TUBB1: variants seen among roughly 807,000 people sequenced by gnomAD.
TUBB1 encodes tubulin beta-1 chain.
In TUBB1, 28 loss-of-function variants were observed where a neutral mutation model predicts 22.6. The ratio of observed to expected loss-of-function variants is 1.24; its 90% CI spans 0.92 to 1.70. The LOEUF is 1.70. TUBB1 is among the 40% of genes most tolerant of loss of function. TUBB1 has a pLI of 0.00. For synonymous variants in TUBB1, 226 were observed against 238.0 expected (o/e 0.95, Z 0.46); for missense variants, 577 against 605.5 (o/e 0.95, Z 0.49).
At chr20:59,016,534 C>T (rs1357983160), upstream of TUBB1, among the ~76,000 whole-genome samples, 2 of 151,972 alleles carry the variant, frequency 1.3e-5, no homozygotes, top group Admixed American at 6.6e-5. Context: ...CTTTGATCTT[C>T]GGAGAAGTCT....
rs1228603665 is a variant in TUBB1 at position 59,023,982 on chromosome 20, G to T, written c.555G>T (p.Ala185=). 6.2e-7 allele frequency: 1 copy of T among 1,613,978 alleles called. No individual in the cohort carries two copies. The highest frequency in any genetic ancestry group is 1.3e-5 in the African/African-American group (1 of 74,884). ...VSDTVVEPYN[A]VLSIHQLIEN... ...ACACTGTGGTGGAGCCCTACAACGC[G>T]GTTCTGTCTATCCACCAGCTGATTG... The change falls in exon 4 of 4, where the codon GCG becomes GCT. Residue 185 remains alanine (A), a synonymous_variant. Transcript: ENST00000217133.
At chr20:59,020,134 C>T (rs2091961312) in intron 1 of TUBB1, among the ~76,000 whole-genome samples, 1 of 152,164 alleles carries the variant, frequency 6.6e-6, no homozygotes, top group African/African-American at 2.4e-5. Flanking sequence ...CTGCCTCAGG[C>T]TTCCAAAGTG....
At chr20:59,023,462 GCTGA>G (rs748697740) in intron 2 of TUBB1, 24 bp from the exon 3 acceptor site, 81 of 1,595,868 alleles carry the variant, frequency 5.1e-5, no homozygotes, top group Middle Eastern at 1.7e-4. Context: ...AAACAAGTAG[GCTGA>G]CTTTTTCCTA....
Position 59,024,859 on chromosome 20 carries a change from C to CA in TUBB1, c.*80dup. 7.5e-7 allele frequency: 1 copy of CA among 1,328,734 alleles called. No individual in the cohort carries two copies. Among genetic ancestry groups the CA allele is most frequent in the Non-Finnish European group, 1.1e-6 (1 of 926,480 alleles). 82.3% of individuals were successfully genotyped at this position (1,328,734 alleles called of 1,614,324 possible). A position where few individuals can be genotyped will look rare whatever the true frequency, so the allele number is the denominator to read the frequency against. ...GATGAGTGTTTCTCCTGCAGCACTC[C>CA]AAAACCCACTCTGCACTGCAGCACA... On this transcript the variant is annotated 3_prime_UTR_variant, in exon 4 of 4. Transcript: ENST00000217133. This position sits in a 1 kb window ranked among gnomAD's most constrained non-coding sequence, Gnocchi z 4.9.
chr20:59,023,397 T>G, intron 2 of TUBB1, 93 bp from the exon 3 acceptor site: 1 of 1,178,492 alleles, frequency 8.5e-7, no homozygotes, highest in Non-Finnish European at 1.3e-6. Context: ...TATCCATGAT[T>G]TTTTTTGGAC....
chr20:59,023,930 GC>G lies in TUBB1; in HGVS notation c.504del (p.Ser168ArgfsTer25). The G allele has an allele frequency of 1.2e-6, 2 of 1,614,206 alleles. No individual in the cohort carries two copies. The highest frequency in any genetic ancestry group is 1.7e-6 in the Non-Finnish European group (2 of 1,180,038). The stretch of plus-strand genomic sequence containing the variant: ...CCGGACCGGATCATGAATTCCTTCA[GC>G]GTCATGCCTTCTCCCAAGGTGTCGG... ...EYPDRIMNSF[S>X]VMPSPKVSDT... On this transcript the variant is annotated frameshift_variant, in exon 4 of 4. Transcript: ENST00000217133. LOFTEE classifies it high-confidence loss of function.
At chr20:59,019,662 G>GT in intron 1 of TUBB1, 83 bp downstream of exon 1, 1 of 1,382,036 alleles carries the variant, frequency 7.2e-7, no homozygotes, top group South Asian at 1.2e-5. Flanking sequence ...AGTTAGCAGG[G>GT]AAGACAATAA....
chr20:59,022,563 G>A (rs1031024101), intron 1 of TUBB1, among the ~76,000 whole-genome samples: 1 of 152,256 alleles, frequency 6.6e-6, no homozygotes, highest in South Asian at 2.1e-4. Flanking sequence ...TGTATATAAT[G>A]GCATGAATTT....
In TUBB1 at chr20:59,024,779, A is replaced by G; in HGVS notation, c.1352A>G (p.His451Arg). 2.5e-6 allele frequency: 4 copies of G among 1,614,080 alleles called. No individual in the cohort carries two copies. Among genetic ancestry groups the G allele is most frequent in the Non-Finnish European group, 2.5e-6 (3 of 1,179,952 alleles). The part of the protein sequence containing the change: ...EAEMEPEDKG[H>R] ...GAAATGGAGCCAGAAGATAAGGGAC[A>G]TTAACTGTGAGAGAAGCTGTGCCGC... The change falls in exon 4 of 4, where the codon CAT becomes CGT. Residue 451 changes from histidine (H) to arginine (R), a missense_variant. Coordinates refer to ENST00000217133, the MANE Select transcript of TUBB1 (RefSeq NM_030773.4). The surrounding 1 kb of genome is among the most constrained non-coding windows in gnomAD (Gnocchi z 4.9).
In TUBB1 at chr20:59,019,493, G is replaced by A; in HGVS notation, c.-30G>A. 1 of 1,613,708 alleles carries A rather than the reference G, an allele frequency of 6.2e-7. No individual in the cohort carries two copies. The highest frequency in any genetic ancestry group is 8.5e-7 in the Non-Finnish European group (1 of 1,179,610). On this transcript the variant is annotated 5_prime_UTR_variant, in exon 1 of 4. Transcript: ENST00000217133. ...GATTCTGAGAGTCTGAGGATTCCGT[G>A]AAGATCTCAGACTTGGGCTCAGAGC...
Position 59,024,715 on chromosome 20 carries a change from G to A in TUBB1, c.1288G>A (p.Ala430Thr). 6.2e-7 allele frequency: 1 copy of A among 1,614,164 alleles called. No individual in the cohort carries two copies. The highest frequency in any genetic ancestry group is 1.1e-5 in the South Asian group (1 of 91,076). ...SEYQQFQDAK[A>T]VLEEDEEVTE... Reference sequence around the variant, plus strand: ...GTACCAACAATTTCAAGATGCCAAAGCAGTTCTAGAGGAAGATGAAGAGGT... The same window carrying A: ...GTACCAACAATTTCAAGATGCCAAAACAGTTCTAGAGGAAGATGAAGAGGT... Residue 430 changes from alanine to threonine, a missense_variant, in exon 4 of 4, where the codon GCA (alanine) becomes ACA (threonine). Ala to Thr is a moderately conservative substitution (Grantham distance 58). Transcript: ENST00000217133. The surrounding 1 kb of genome is among the most constrained non-coding windows in gnomAD (Gnocchi z 4.9).
upstream of TUBB1, among the ~76,000 whole-genome samples, chr20:59,017,834 A>G (rs1033627119): frequency 6.6e-6 from 1 of 152,220 alleles, no homozygotes; most frequent in Non-Finnish European, 1.5e-5. Flanking sequence ...CCAGAGTTCC[A>G]AGAGTGCAGG....
chr20:59,017,977 G>A (rs1182258821), upstream of TUBB1, among the ~76,000 whole-genome samples: 1 of 152,244 alleles, frequency 6.6e-6, no homozygotes, highest in Non-Finnish European at 1.5e-5. Flanking sequence ...GTTAAAGAGA[G>A]GCCTCAAGAG....
chr20:59,026,078 T>C lies in TUBB1; in HGVS notation c.*1295T>C, dbSNP rs1337004705. On this transcript the variant is annotated 3_prime_UTR_variant, in exon 4 of 4. Coordinates refer to ENST00000217133, the MANE Select transcript of TUBB1 (RefSeq NM_030773.4). Reference sequence around the variant, plus strand: ...CTCCGACCCTCAATGCAGTAAATATTTACTTGCAGGCAACTGGGTTCTCAT... The same window carrying C: ...CTCCGACCCTCAATGCAGTAAATATCTACTTGCAGGCAACTGGGTTCTCAT... The C allele has an allele frequency of 6.6e-6, 1 of 152,200 alleles. No individual in the cohort carries two copies. The highest frequency in any genetic ancestry group is 1.5e-5 in the Non-Finnish European group (1 of 68,050). 9.4% of individuals were successfully genotyped at this position (152,200 alleles called of 1,614,324 possible).
chr20:59,024,641 TA>T lies in TUBB1; in HGVS notation c.1217del (p.Asn406ThrfsTer27). On this transcript the variant is annotated frameshift_variant, in exon 4 of 4. Coordinates refer to ENST00000217133, the MANE Select transcript of TUBB1 (RefSeq NM_030773.4). LOFTEE classifies it low-confidence loss of function (END_TRUNC). This position sits in a 1 kb window ranked among gnomAD's most constrained non-coding sequence, Gnocchi z 4.9. Reference sequence around the variant, plus strand: ...TGGTACACCAGCGAAGGGATGGACATAAACGAATTTGGGGAAGCTGAAAATA... The same window carrying T: ...TGGTACACCAGCGAAGGGATGGACATAACGAATTTGGGGAAGCTGAAAATA... ...VHWYTSEGMD[I>X]NEFGEAENNI... The T allele has an allele frequency of 6.2e-7, 1 of 1,614,200 alleles. No homozygotes were observed. The highest frequency in any genetic ancestry group is 8.5e-7 in the Non-Finnish European group (1 of 1,180,032).
At position 59,024,830 on chromosome 20, in the gene TUBB1, A is replaced by G. The variant is rs2091987170; in HGVS notation, c.*47A>G. The G allele has an allele frequency of 1.3e-6, 2 of 1,564,956 alleles. No individual in the cohort carries two copies. Among genetic ancestry groups the G allele is most frequent in the Admixed American group, 3.3e-5 (2 of 59,888 alleles). ...GGAGTCGCTTACAGAACAGTTTCTC[A>G]TTAGATGAGTGTTTCTCCTGCAGCA... On this transcript the variant is annotated 3_prime_UTR_variant, in exon 4 of 4. Transcript: ENST00000217133. This position sits in a 1 kb window ranked among gnomAD's most constrained non-coding sequence, Gnocchi z 4.9.
Position 59,024,858 on chromosome 20 carries a change from C to T in TUBB1, c.*75C>T. ...AGATGAGTGTTTCTCCTGCAGCACT[C>T]CAAAACCCACTCTGCACTGCAGCAC... is the stretch of plus-strand genomic sequence containing the variant. On this transcript the variant is annotated 3_prime_UTR_variant, in exon 4 of 4. Coordinates refer to ENST00000217133, the MANE Select transcript of TUBB1 (RefSeq NM_030773.4). This position sits in a 1 kb window ranked among gnomAD's most constrained non-coding sequence, Gnocchi z 4.9. 1 of 1,338,258 alleles carries T rather than the reference C, an allele frequency of 7.5e-7. No homozygotes were observed. The highest frequency in any genetic ancestry group is 1.1e-6 in the Non-Finnish European group (1 of 935,090). The allele number at this position is 1,338,258 out of a possible 1,614,324, so 82.9% of individuals were successfully genotyped here.
In TUBB1 at chr20:59,025,765, C is replaced by T. The variant is rs760060958; in HGVS notation, c.*982C>T. 1 of 152,178 alleles carries T rather than the reference C, an allele frequency of 6.6e-6. No individual in the cohort carries two copies. Among genetic ancestry groups the T allele is most frequent in the Non-Finnish European group, 1.5e-5 (1 of 68,030 alleles). 9.4% of individuals were successfully genotyped at this position (152,178 alleles called of 1,614,324 possible). A position where few individuals can be genotyped will look rare whatever the true frequency, so the allele number is the denominator to read the frequency against. On this transcript the variant is annotated 3_prime_UTR_variant, in exon 4 of 4. Coordinates refer to ENST00000217133, the MANE Select transcript of TUBB1 (RefSeq NM_030773.4). ...TGTCCTTCTCAGTTATGGAGGACAT[C>T]GTCTCATTAGGGAACTTTTACAGTT...
In TUBB1 at chr20:59,019,598, C is replaced by T; in HGVS notation, c.57+19C>T. ...AGCCAAGGTAAGTAATGTCTGGTTA[C>T]TAATCCTAGCTTTACCACAGTCCAT... On this transcript the variant is annotated intron_variant, in intron 1 of 3. Coordinates refer to ENST00000217133, the MANE Select transcript of TUBB1 (RefSeq NM_030773.4). The T allele has an allele frequency of 1.2e-6, 2 of 1,613,830 alleles. No homozygotes were observed. The highest frequency in any genetic ancestry group is 4.5e-5 in the East Asian group (2 of 44,872).
Sources: allele counts gnomAD v4.1 joint callset (sites outside exome capture counted in the v4.1 genomes callset), GRCh38; gene constraint gnomAD v4.1.1; non-coding constraint Gnocchi (gnomAD v3.1); transcripts MANE v1.5; gene names NCBI Gene and HGNC (gene_info 2026-07-23, HGNC 2026-07-21).